Variants in HECW1 observed in about 807,000 individuals in gnomAD.
HECW1 encodes E3 ubiquitin-protein ligase HECW1.
Under a neutral mutation model 182.3 loss-of-function variants are expected in HECW1, and 61 were observed. The ratio of observed to expected loss-of-function variants is 0.33; its 90% confidence interval spans 0.27 to 0.41. The LOEUF (loss-of-function observed/expected upper bound fraction) is 0.41. Among genes scored for constraint, HECW1 ranks in the 10% least tolerant of loss-of-function variants. HECW1 has a pLI of 1.00. For synonymous variants in HECW1, 859 were observed against 832.6 expected (o/e 1.03, Z -0.55); for missense variants, 1,739 against 2,108.9 (o/e 0.82, Z 3.44).
Position 43,466,555 on chromosome 7 carries a change from T to C in HECW1, c.2900T>C (p.Leu967Pro). Residue 967 changes from leucine to proline, a missense_variant, in exon 15 of 30, where the codon CTA (leucine) becomes CCA (proline). By Grantham distance (98) the Leu-to-Pro change is moderately conservative (BLOSUM62 -3). Transcript: ENST00000395891. ...ACCAACCCCGAGTTCTTCACTGTGC[T>C]ACATGCCAATTATGTGAGTGCCCTA... ...FITNPEFFTV[L>P]HANYSAYRVF... 1 of 1,613,716 alleles carries C rather than the reference T, an allele frequency of 6.2e-7. No individual in the cohort carries two copies. Among genetic ancestry groups the C allele is most frequent in the East Asian group, 2.2e-5 (1 of 44,890 alleles).
At chr7:43,169,975 C>T (rs1162500537) in intron 2 of HECW1, among the ~76,000 whole-genome samples, 7 of 152,178 alleles carry the variant, frequency 4.6e-5, no homozygotes, top group African/African-American at 7.2e-5. Flanking sequence ...CTGCCAACAT[C>T]GTCTTTATCA....
intron 3 of HECW1, among the ~76,000 whole-genome samples, chr7:43,292,750 C>G (rs1280896168): frequency 6.6e-6 from 1 of 152,134 alleles, no homozygotes; most frequent in Non-Finnish European, 1.5e-5. Flanking sequence ...GCAAACTTTC[C>G]TAGCAGGGTG....
chr7:43,476,132 A>G (rs2078211684), intron 16 of HECW1, among the ~76,000 whole-genome samples: 1 of 152,226 alleles, frequency 6.6e-6, no homozygotes, highest in African/African-American at 2.4e-5. Flanking sequence ...TTAAAAATCC[A>G]AGAGGATATA....
intron 3 of HECW1, among the ~76,000 whole-genome samples, chr7:43,253,423 C>T (rs972035107): frequency 6.6e-6 from 1 of 152,174 alleles, no homozygotes; most frequent in Non-Finnish European, 1.5e-5. Context: ...TCAAATCTAG[C>T]CTCCTTTATT....
At chr7:43,495,819 G>A (rs1309578888) in intron 19 of HECW1, among the ~76,000 whole-genome samples, 1 of 152,126 alleles carries the variant, frequency 6.6e-6, no homozygotes, top group Non-Finnish European at 1.5e-5. Flanking sequence ...ATTTTCAAGG[G>A]ATTTCCAGGG....
At chr7:43,307,876 CTA>C (rs71008900) in intron 3 of HECW1, among the ~76,000 whole-genome samples, 66,099 of 127,152 alleles carry the variant, frequency 0.52, 17,209 homozygotes, top group African/African-American at 0.59. Context: ...AATCATTTCA[CTA>C]TATATATATA....
At chr7:43,304,459 GTTAT>G (rs61241516) in intron 3 of HECW1, among the ~76,000 whole-genome samples, 49,921 of 141,078 alleles carry the variant, frequency 0.35, 9,163 homozygotes, top group African/African-American at 0.45. Context: ...ATTCAACACA[GTTAT>G]TTATTTATTT....
chr7:43,130,722 T>C (rs985928686), intron 2 of HECW1, among the ~76,000 whole-genome samples: 1 of 152,234 alleles, frequency 6.6e-6, no homozygotes, highest in African/African-American at 2.4e-5. Flanking sequence ...CAATTGTGTG[T>C]GGTGCACATG....
At chr7:43,408,362 A>G (rs1432031921) in intron 8 of HECW1, among the ~76,000 whole-genome samples, 1 of 152,092 alleles carries the variant, frequency 6.6e-6, no homozygotes, top group Non-Finnish European at 1.5e-5. Flanking sequence ...GCCAGGGGTT[A>G]GGAGGGTCCT....
At chr7:43,262,001 A>G (rs1016720449) in intron 3 of HECW1, among the ~76,000 whole-genome samples, 3 of 152,100 alleles carry the variant, frequency 2.0e-5, no homozygotes, top group Non-Finnish European at 4.4e-5. Context: ...CAGGAGAATC[A>G]CTTGAGACCA....
At chr7:43,217,657 G>A (rs1311633773) in intron 2 of HECW1, among the ~76,000 whole-genome samples, 1 of 152,168 alleles carries the variant, frequency 6.6e-6, no homozygotes, top group African/African-American at 2.4e-5. Flanking sequence ...ACAACAGACA[G>A]CTTTACTTGC....
intron 7 of HECW1, among the ~76,000 whole-genome samples, chr7:43,406,536 G>A (rs1428487975): frequency 6.6e-6 from 1 of 152,150 alleles, no homozygotes; most frequent in Non-Finnish European, 1.5e-5. Context: ...CCCTGATCCT[G>A]TGTATCTTTA....
At chr7:43,178,548 T>C (rs944690318) in intron 2 of HECW1, among the ~76,000 whole-genome samples, 2 of 152,244 alleles carry the variant, frequency 1.3e-5, no homozygotes, top group South Asian at 4.1e-4. Context: ...GTAAAGCTGC[T>C]GCTTTCTATG....
At chr7:43,428,100 T>C (rs2076419917) in intron 8 of HECW1, among the ~76,000 whole-genome samples, 1 of 152,188 alleles carries the variant, frequency 6.6e-6, no homozygotes, top group Non-Finnish European at 1.5e-5. Flanking sequence ...TTGAGGACCA[T>C]CTCAGAATTC....
At chr7:43,376,300 GA>G (rs1351931935) in intron 6 of HECW1, among the ~76,000 whole-genome samples, 3 of 151,986 alleles carry the variant, frequency 2.0e-5, no homozygotes, top group African/African-American at 7.3e-5. Context: ...ACCACCCAAC[GA>G]GCCTCAGGAA....
At chr7:43,465,527 T>C (rs972839873) in intron 14 of HECW1, among the ~76,000 whole-genome samples, 3 of 152,230 alleles carry the variant, frequency 2.0e-5, no homozygotes, top group African/African-American at 7.2e-5. Flanking sequence ...CACACAGGTC[T>C]CTTGAAACCC....
chr7:43,198,797 C>G (rs184383821), intron 2 of HECW1, among the ~76,000 whole-genome samples: 354 of 152,256 alleles, frequency 2.3e-3, no homozygotes, highest in African/African-American at 8.1e-3. Context: ...CTCACGTGCA[C>G]ACACACATCC....
At chr7:43,558,824 A>G (rs1458765502) in intron 29 of HECW1, among the ~76,000 whole-genome samples, 1 of 152,160 alleles carries the variant, frequency 6.6e-6, no homozygotes, top group Non-Finnish European at 1.5e-5. Context: ...GAGCTGTCAA[A>G]TGCTTTTAAA....
intron 17 of HECW1, among the ~76,000 whole-genome samples, chr7:43,485,003 A>T (rs1270989438): frequency 1.3e-5 from 2 of 152,240 alleles, no homozygotes; most frequent in East Asian, 3.8e-4. Flanking sequence ...GTTGACATCA[A>T]TAAGGAAGGA....
Sources: allele counts gnomAD v4.1 joint callset (sites outside exome capture counted in the v4.1 genomes callset), GRCh38; gene constraint gnomAD v4.1.1; transcripts MANE v1.5; gene names NCBI Gene and HGNC (gene_info 2026-07-23, HGNC 2026-07-21).